The following MOSPD2 variants were observed in gnomAD, a reference collection of about 807,000 sequenced individuals.
The protein encoded by MOSPD2 is motile sperm domain containing 2.
MOSPD2 carries 5 observed loss-of-function variants against 41.7 expected under a neutral mutation model. That is an observed-to-expected ratio of 0.12 (90% CI 0.06 to 0.25). The LOEUF (loss-of-function observed/expected upper bound fraction) is 0.25, where lower values mean the gene tolerates loss of function less well. MOSPD2 is among the 10% of genes least tolerant of loss of function. The pLI, the probability that MOSPD2 is intolerant of heterozygous loss-of-function variation, is 1.00. For missense variants in MOSPD2, 282 were observed against 375.2 expected, an observed-to-expected ratio of 0.75 and a Z score of 2.05; for synonymous variants, 115 against 126.9, an observed-to-expected ratio of 0.91 and a Z score of 0.63.
At chrX:14,908,570 G>T (rs2092586273) in intron 7 of MOSPD2, among the ~76,000 whole-genome samples, 1 of 111,322 alleles carries the variant, frequency 9.0e-6, no homozygotes, top group African/African-American at 3.3e-5. Context: ...TAAATAGTTG[G>T]GATCATTGAT....
chrX:14,917,276 A>G (rs1049001518), intron 13 of MOSPD2, among the ~76,000 whole-genome samples: 1 of 112,392 alleles, frequency 8.9e-6, no homozygotes, highest in African/African-American at 3.2e-5. Context: ...CAAGCCACAT[A>G]GATAACTGGA....
At chrX:14,905,866 A>G (rs933087553) in intron 7 of MOSPD2, among the ~76,000 whole-genome samples, 13 of 109,290 alleles carry the variant, frequency 1.2e-4, no homozygotes, top group Non-Finnish European at 5.7e-5. Context: ...TAGTTGTTCT[A>G]CTCTATTGTT....
At position 14,916,235 on chromosome X, in the gene MOSPD2, G is replaced by T; in HGVS notation, c.1225G>T (p.Ala409Ser). The change falls in exon 13 of 15, where the codon GCT becomes TCT. Residue 409 changes from alanine (A) to serine (S), a missense_variant. Coordinates refer to ENST00000380492, the MANE Select transcript of MOSPD2 (RefSeq NM_152581.4). ...TGCCCAAGACCGTTTTCTGATAATG[G>T]CTGCAGAAATGGAACAGTCATCTGG... ...VSAQDRFLIM[A>S]AEMEQSSGTG... 1 of 1,211,757 alleles carries T rather than the reference G, an allele frequency of 8.3e-7. No homozygotes were observed. Among genetic ancestry groups the T allele is most frequent in the Non-Finnish European group, 1.1e-6 (1 of 895,386 alleles).
At chrX:14,882,345 G>T (rs1343678906) in intron 2 of MOSPD2, among the ~76,000 whole-genome samples, 2 of 110,960 alleles carry the variant, frequency 1.8e-5, no homozygotes, top group African/African-American at 6.6e-5. Context: ...GGAGGGGTGA[G>T]GGTTGAGGCG....
chrX:14,897,965 T>C (rs1436526206), intron 5 of MOSPD2, among the ~76,000 whole-genome samples: 1 of 112,338 alleles, frequency 8.9e-6, no homozygotes, highest in Non-Finnish European at 1.9e-5. Flanking sequence ...ATAGCAGTAA[T>C]GTCGTATTCA....
intron 2 of MOSPD2, among the ~76,000 whole-genome samples, chrX:14,881,618 G>C (rs950594771): frequency 8.9e-6 from 1 of 111,793 alleles, no homozygotes; most frequent in Non-Finnish European, 1.9e-5. Flanking sequence ...TCAGAGATTA[G>C]TGCTCATAGG....
chrX:14,895,814 GA>G (rs2092562143), intron 4 of MOSPD2, among the ~76,000 whole-genome samples: 1 of 110,386 alleles, frequency 9.1e-6, no homozygotes, highest in African/African-American at 3.3e-5. Flanking sequence ...GTATTATAAT[GA>G]AAGGAACAGT....
chrX:14,898,666 T>C (rs922198091), intron 5 of MOSPD2, among the ~76,000 whole-genome samples: 5 of 111,837 alleles, frequency 4.5e-5, no homozygotes, highest in Non-Finnish European at 7.5e-5. Context: ...ATATGATAGT[T>C]TCCTAATTAT....
chrX:14,882,064 T>G (rs2092532429), intron 2 of MOSPD2, among the ~76,000 whole-genome samples: 1 of 110,058 alleles, frequency 9.1e-6, no homozygotes, highest in Non-Finnish European at 1.9e-5. Context: ...CTAATGTAAA[T>G]GACGAGTTAA....
intron 2 of MOSPD2, among the ~76,000 whole-genome samples, chrX:14,889,101 G>C (rs758080679): frequency 2.2e-4 from 25 of 111,532 alleles, no homozygotes; most frequent in African/African-American, 8.1e-4. Flanking sequence ...GTGACAGCAA[G>C]TGGAAGGGCA....
rs138173558 is a variant in MOSPD2, at chrX:14,882,372, T to C, written c.79+8614T>C. ...GTTGAGGCGGGAGATTCAAGAGATA[T>C]GAGTCAAAGGAAACAAAATTTCAAT... On this transcript the variant is annotated intron_variant, in intron 2 of 14. Transcript: ENST00000380492. Among the ~76,000 whole-genome samples the C allele has an allele frequency of 7.6e-3, 848 of 111,012 alleles. 11 individuals are homozygous for C. Among genetic ancestry groups the C allele is most frequent in the African/African-American group, 0.026 (805 of 30,473 alleles).
intron 13 of MOSPD2, among the ~76,000 whole-genome samples, chrX:14,918,242 T>G (rs1467333095): frequency 1.8e-5 from 2 of 111,824 alleles, no homozygotes; most frequent in Non-Finnish European, 3.8e-5. Flanking sequence ...TTCTTTGTTT[T>G]TTGCTTTACC....
intron 7 of MOSPD2, among the ~76,000 whole-genome samples, chrX:14,908,564 T>C (rs934813435): frequency 9.0e-6 from 1 of 111,682 alleles, no homozygotes; most frequent in African/African-American, 3.3e-5. Flanking sequence ...GAAATCTAAA[T>C]AGTTGGGATC....
In MOSPD2 at chrX:14,916,318, G is replaced by A. The variant is rs1472712274; in HGVS notation, c.1308G>A (p.Met436Ile). ...AAGAAGTTCCCAGAAACAAAGTGAT[G>A]GAACATAGGTAAGCTTTTCCCTCAC... Reference protein sequence around the residue: ...FWKEVPRNKVMEHRLRCHTVE... With the variant: ...FWKEVPRNKVIEHRLRCHTVE... The change falls in exon 13 of 15, where the codon ATG becomes ATA. Residue 436 changes from methionine (M) to isoleucine (I), a missense_variant. Transcript: ENST00000380492. The A allele has an allele frequency of 8.3e-7, 1 of 1,211,368 alleles. No individual in the cohort carries two copies. Among genetic ancestry groups the A allele is most frequent in the East Asian group, 3.0e-5 (1 of 33,810 alleles).
At chrX:14,883,189 A>G (rs1229266935) in intron 2 of MOSPD2, among the ~76,000 whole-genome samples, 2 of 109,678 alleles carry the variant, frequency 1.8e-5, no homozygotes, top group African/African-American at 3.3e-5. Flanking sequence ...GTGAGACTCC[A>G]TCTCGAAAAA....
At chrX:14,900,723 C>A in intron 6 of MOSPD2, 88 bp downstream of exon 6, 1 of 421,726 alleles carries the variant, frequency 2.4e-6, no homozygotes, top group Non-Finnish European at 3.9e-6. Flanking sequence ...TTATTATAGA[C>A]TTTCATACCT....
intron 2 of MOSPD2, among the ~76,000 whole-genome samples, chrX:14,880,329 T>C (rs1319019569): frequency 9.0e-6 from 1 of 111,616 alleles, no homozygotes; most frequent in Non-Finnish European, 1.9e-5. Context: ...TTATGGGAAA[T>C]ATATATGACT....
Position 14,916,234 on chromosome X carries a change from G to C in MOSPD2, c.1224G>C (p.Met408Ile), listed in dbSNP as rs780722199. 1 of 1,211,747 alleles carries C rather than the reference G, an allele frequency of 8.3e-7. No homozygotes were observed. The highest frequency in any genetic ancestry group is 2.2e-5 in the Admixed American group (1 of 46,034). Reference protein sequence around the residue: ...TVSAQDRFLIMAAEMEQSSGT... With the variant: ...TVSAQDRFLIIAAEMEQSSGT... Reference sequence around the variant, plus strand: ...CTGCCCAAGACCGTTTTCTGATAATGGCTGCAGAAATGGAACAGTCATCTG... The same window carrying C: ...CTGCCCAAGACCGTTTTCTGATAATCGCTGCAGAAATGGAACAGTCATCTG... The change falls in exon 13 of 15, where the codon ATG becomes ATC. Residue 408 changes from methionine to isoleucine, a missense_variant. Physicochemically the swap from Met to Ile is conservative, Grantham distance 10. Coordinates refer to ENST00000380492, the MANE Select transcript of MOSPD2 (RefSeq NM_152581.4).
intron 2 of MOSPD2, among the ~76,000 whole-genome samples, chrX:14,876,874 T>C (rs1466244187): frequency 4.5e-5 from 5 of 111,852 alleles, no homozygotes; most frequent in African/African-American, 1.6e-4. Flanking sequence ...AAGAGAGAAA[T>C]AACATCTGGC....
Sources: gnomAD v4.1 joint callset for allele counts (sites outside exome capture counted in the v4.1 genomes callset) on GRCh38, gnomAD v4.1.1 for gene constraint, MANE v1.5 for transcripts, NCBI Gene and HGNC (gene_info 2026-07-23, HGNC 2026-07-21) for gene names.